FGF14: variants seen among roughly 807,000 people sequenced by gnomAD.
FGF14 encodes the protein fibroblast growth factor 14, also known as fibroblast growth factor homologous factor 4.
In FGF14, 5 loss-of-function variants were observed where a neutral mutation model predicts 25.5. The observed-to-expected ratio is 0.20, with a 90% confidence interval of 0.10 to 0.41. The LOEUF (loss-of-function observed/expected upper bound fraction) is 0.41. Ranked by LOEUF, FGF14 falls within the 10% of genes least tolerant of loss-of-function variation. The pLI is 1.00. For missense variants in FGF14, 222 were observed against 320.1 expected, an observed-to-expected ratio of 0.69 and a Z score of 2.34; for synonymous variants, 138 against 118.3, an observed-to-expected ratio of 1.17 and a Z score of -1.08.
intron 3 of FGF14, among the ~76,000 whole-genome samples, chr13:101,734,179 A>C (rs2036016129): frequency 6.6e-6 from 1 of 152,192 alleles, no homozygotes; most frequent in Admixed American, 6.5e-5. Context: ...ACGAGGTCCC[A>C]GGTGACTGTA....
Position 101,807,648 on chromosome 13 carries a change from G to A in FGF14, c.408+61077C>T, listed in dbSNP as rs558290203. Among the ~76,000 whole-genome samples, 8 of 151,982 alleles carry A rather than the reference G, an allele frequency of 5.3e-5. No individual in the cohort carries two copies. The East Asian group carries it at 9.7e-4, about 18-fold the overall frequency. ...GTACAATTCCCTGACCCTTAGGCCA[G>A]GGAAAATAATTACTGAGTATATCCA... is the stretch of plus-strand genomic sequence containing the variant. On this transcript the variant is annotated intron_variant, in intron 3 of 4. Coordinates refer to ENST00000376143, the MANE Select transcript of FGF14 (RefSeq NM_004115.4).
intron 1 of FGF14, among the ~76,000 whole-genome samples, chr13:102,100,298 G>A (rs1216730801): frequency 1.3e-5 from 2 of 152,168 alleles, no homozygotes; most frequent in African/African-American, 4.8e-5. Context: ...TCCAAGCAAT[G>A]CTGCTGTGGA....
chr13:102,255,480 T>C (rs904938684), intron 1 of FGF14, among the ~76,000 whole-genome samples: 20 of 152,292 alleles, frequency 1.3e-4, no homozygotes, highest in East Asian at 1.2e-3. Flanking sequence ...TTTAAAGGAA[T>C]AAATAAGATT....
intron 1 of FGF14, among the ~76,000 whole-genome samples, chr13:102,309,489 GC>G (rs1169821154): frequency 1.3e-5 from 2 of 152,142 alleles, no homozygotes; most frequent in Non-Finnish European, 2.9e-5. Flanking sequence ...ATGGGATTCT[GC>G]CTAGATCTGC....
chr13:102,134,468 C>T (rs1182944038), intron 1 of FGF14, among the ~76,000 whole-genome samples: 2 of 152,206 alleles, frequency 1.3e-5, no homozygotes, highest in Non-Finnish European at 2.9e-5. Flanking sequence ...GTTATACCTC[C>T]ACGGGAATCA....
intron 1 of FGF14, among the ~76,000 whole-genome samples, chr13:102,010,335 G>A (rs61966488): frequency 0.04 from 6,043 of 152,112 alleles, 195 homozygotes; most frequent in African/African-American, 0.083. Flanking sequence ...CTGTTTCTAC[G>A]GAGAGAGGAA....
chr13:102,004,351 C>T lies in FGF14; in HGVS notation c.209-129055G>A, dbSNP rs61966481. Among the ~76,000 whole-genome samples, 465 of 152,266 alleles carry T rather than the reference C, an allele frequency of 3.1e-3. 2 individuals carry two copies. Among genetic ancestry groups the T allele is most frequent in the Non-Finnish European group, 5.5e-3 (375 of 68,008 alleles). ...ATGCAGGAGTAGACAACAGCTGTTT[C>T]ATCAGACCAGACTGGAATGTACTAG... On this transcript the variant is annotated intron_variant, in intron 1 of 4. Coordinates refer to the FGF14 transcript ENST00000376131.
chr13:102,018,073 C>T (rs1595006052), intron 1 of FGF14, among the ~76,000 whole-genome samples: 1 of 152,120 alleles, frequency 6.6e-6, no homozygotes, highest in East Asian at 1.9e-4. Context: ...TTCTAGAGTT[C>T]TGTGTCTCTC....
intron 1 of FGF14, among the ~76,000 whole-genome samples, chr13:102,307,409 C>T (rs1453573175): frequency 6.6e-6 from 1 of 152,048 alleles, no homozygotes; most frequent in Non-Finnish European, 1.5e-5. Flanking sequence ...GTTACAGCAG[C>T]ATTAAAAAAA....
At chr13:102,130,217 A>G (rs1006537183) in intron 1 of FGF14, among the ~76,000 whole-genome samples, 1 of 152,194 alleles carries the variant, frequency 6.6e-6, no homozygotes, top group Non-Finnish European at 1.5e-5. Context: ...CATGTCTGAC[A>G]AAAGGACTGG....
chr13:102,332,362 T>C (rs1409462581), intron 1 of FGF14, among the ~76,000 whole-genome samples: 2 of 152,162 alleles, frequency 1.3e-5, no homozygotes, highest in African/African-American at 4.8e-5. Context: ...AAAACACTCA[T>C]TATTCTGAGA....
At chr13:101,992,626 G>A (rs1020612067) in intron 1 of FGF14, among the ~76,000 whole-genome samples, 2 of 151,942 alleles carry the variant, frequency 1.3e-5, no homozygotes, top group Non-Finnish European at 2.9e-5. Flanking sequence ...CAGAAGGACA[G>A]AAATTCCAAA....
chr13:102,340,136 G>A (rs1036357764), intron 1 of FGF14, among the ~76,000 whole-genome samples: 2 of 152,244 alleles, frequency 1.3e-5, no homozygotes, highest in South Asian at 2.1e-4. Context: ...TAATGGAAAC[G>A]CAACCAAATT....
chr13:101,985,441 A>G (rs2038519850), intron 1 of FGF14, among the ~76,000 whole-genome samples: 1 of 152,128 alleles, frequency 6.6e-6, no homozygotes, highest in African/African-American at 2.4e-5. Context: ...TCCATGGACC[A>G]TGTGTTAAGA....
intron 1 of FGF14, among the ~76,000 whole-genome samples, chr13:102,285,402 G>A (rs2054045316): frequency 6.6e-6 from 1 of 152,106 alleles, no homozygotes; most frequent in East Asian, 1.9e-4. Flanking sequence ...TGAATTTCAG[G>A]AATTAGACTG....
intron 1 of FGF14, among the ~76,000 whole-genome samples, chr13:101,903,480 G>T (rs1403487785): frequency 6.6e-6 from 1 of 152,116 alleles, no homozygotes; most frequent in African/African-American, 2.4e-5. Context: ...GTGTCTGGAA[G>T]AATCGAGTTC....
chr13:102,319,162 T>C (rs1284978716), intron 1 of FGF14, among the ~76,000 whole-genome samples: 2 of 152,210 alleles, frequency 1.3e-5, no homozygotes, highest in East Asian at 3.8e-4. Context: ...CATGTGTACT[T>C]TTTAAAAAGA....
intron 3 of FGF14, among the ~76,000 whole-genome samples, chr13:101,727,627 AT>A (rs1433719652): frequency 6.6e-6 from 1 of 152,150 alleles, no homozygotes; most frequent in Admixed American, 6.6e-5. Flanking sequence ...TTCACAGATG[AT>A]TTTTATATAC....
intron 3 of FGF14, among the ~76,000 whole-genome samples, chr13:101,742,281 A>C (rs1213039992): frequency 6.6e-6 from 1 of 152,188 alleles, no homozygotes; most frequent in Non-Finnish European, 1.5e-5. Flanking sequence ...ATGTATACCT[A>C]TGTAACAAAC....
Sources: allele counts gnomAD v4.1 joint callset (sites outside exome capture counted in the v4.1 genomes callset), GRCh38; gene constraint gnomAD v4.1.1; transcripts MANE v1.5; gene names NCBI Gene and HGNC (gene_info 2026-07-23, HGNC 2026-07-21).